The following GPC5 variants were observed in gnomAD, a reference collection of about 807,000 sequenced individuals.
GPC5 encodes the protein glypican 5.
A neutral mutation model predicts 53.9 loss-of-function variants in GPC5; 47 were observed. The observed-to-expected ratio is 0.87, with a 90% CI of 0.69 to 1.11. GPC5 has a LOEUF of 1.11. GPC5 is among the 50% of genes most tolerant of loss of function. GPC5 has a pLI of 0.00. For synonymous variants in GPC5, 286 were observed against 263.3 expected (o/e 1.09, Z -0.84); for missense variants, 748 against 713.1 (o/e 1.05, Z -0.56).
At chr13:92,127,686 C>T (rs1451102972) in intron 6 of GPC5, among the ~76,000 whole-genome samples, 1 of 152,114 alleles carries the variant, frequency 6.6e-6, no homozygotes, top group Non-Finnish European at 1.5e-5. Flanking sequence ...GGGACATGAA[C>T]AAAATGCTGG....
chr13:91,870,629 G>A (rs1478379518), intron 5 of GPC5, among the ~76,000 whole-genome samples: 1 of 152,120 alleles, frequency 6.6e-6, no homozygotes, highest in Non-Finnish European at 1.5e-5. Flanking sequence ...ATCAACTGGA[G>A]TCTTCACGCT....
intron 7 of GPC5, chr13:92,339,879 A>G (rs540733026): frequency 1.3e-5 from 2 of 152,232 alleles, no homozygotes; most frequent in South Asian, 2.1e-4. Flanking sequence ...TTATCTTGCT[A>G]TGTCTTTACA....
At chr13:91,412,664 A>G (rs1229364523) in intron 1 of GPC5, among the ~76,000 whole-genome samples, 7 of 152,264 alleles carry the variant, frequency 4.6e-5, no homozygotes, top group Non-Finnish European at 7.3e-5. Context: ...TCTCAGGAAT[A>G]TGACGTTATC....
chr13:91,449,227 T>C (rs1432061550), intron 2 of GPC5, among the ~76,000 whole-genome samples: 1 of 152,166 alleles, frequency 6.6e-6, no homozygotes, highest in Non-Finnish European at 1.5e-5. Context: ...TGTACTTTAA[T>C]ATGAACAGAC....
chr13:91,976,234 G>T (rs571335614), intron 6 of GPC5, among the ~76,000 whole-genome samples: 1 of 152,102 alleles, frequency 6.6e-6, no homozygotes, highest in African/African-American at 2.4e-5. Context: ...TAACTAACCT[G>T]CACGTTGTGC....
At chr13:92,590,246 G>A (rs983156030) in intron 7 of GPC5, among the ~76,000 whole-genome samples, 1 of 152,036 alleles carries the variant, frequency 6.6e-6, no homozygotes, top group Non-Finnish European at 1.5e-5. Context: ...GCATGCATGA[G>A]GGCCATGGAA....
In GPC5 at chr13:92,233,721, A is replaced by G. The variant is rs187643970; in HGVS notation, c.1561+88732A>G. On this transcript the variant is annotated intron_variant, in intron 7 of 7. Coordinates refer to ENST00000377067, the MANE Select transcript of GPC5 (RefSeq NM_004466.6). ...TGTGCACAACGTGCAGATGAGTTAC[A>G]TATGTATACATGTGCCGTGTTGGTG... Among the ~76,000 whole-genome samples the G allele has an allele frequency of 1.7e-4, 26 of 152,260 alleles. No homozygotes were observed. In the East Asian group the frequency reaches 4.4e-3, roughly 26 times the overall value.
chr13:92,625,464 C>T lies in GPC5; in HGVS notation c.1562-240818C>T, dbSNP rs1171928976. ...GAAATAGCTATATTAATAAGTTGCA[C>T]ATTTTAATGTATAGCGTGAACTCAA... On this transcript the variant is annotated intron_variant, in intron 7 of 7. Coordinates refer to ENST00000377067, the MANE Select transcript of GPC5 (RefSeq NM_004466.6). Among the ~76,000 whole-genome samples, 4 of 152,146 alleles carry T rather than the reference C, an allele frequency of 2.6e-5. No homozygotes were observed. The East Asian group carries it at 7.7e-4, about 29-fold the overall frequency.
intron 5 of GPC5, among the ~76,000 whole-genome samples, chr13:91,852,889 T>C (rs1231581671): frequency 6.6e-6 from 1 of 152,156 alleles, no homozygotes; most frequent in Admixed American, 6.6e-5. Context: ...TCATTTCAGA[T>C]ATTTTCGTTA....
rs774350283 is a variant in GPC5 at position 92,552,560 on chromosome 13, T to A, written c.1562-313722T>A. ...GCCAGTGACATCAAAATGTTAATTA[T>A]TTCAGAAGAAGTCATGAATATTAAA... On this transcript the variant is annotated intron_variant, in intron 7 of 7. Transcript: ENST00000377067. Among the ~76,000 whole-genome samples the A allele has an allele frequency of 8.9e-4, 136 of 152,052 alleles. 1 individual carries two copies. Among genetic ancestry groups the A allele is most frequent in the Non-Finnish European group, 1.0e-3 (69 of 67,868 alleles).
chr13:92,614,856 A>G (rs958931074), intron 7 of GPC5, among the ~76,000 whole-genome samples: 4 of 152,216 alleles, frequency 2.6e-5, no homozygotes, highest in Non-Finnish European at 5.9e-5. Flanking sequence ...TTCAAAAAGC[A>G]AGTTCGAATT....
At chr13:92,414,044 G>C (rs943533664) in intron 7 of GPC5, among the ~76,000 whole-genome samples, 1 of 152,036 alleles carries the variant, frequency 6.6e-6, no homozygotes, top group Non-Finnish European at 1.5e-5. Context: ...GAATTGGAGG[G>C]TTACTCATTC....
chr13:91,904,807 C>T (rs114777503), intron 5 of GPC5, among the ~76,000 whole-genome samples: 4,633 of 151,986 alleles, frequency 0.03, 220 homozygotes, highest in African/African-American at 0.1. Context: ...AAAGAGGAAA[C>T]GAAGGTTGAG....
At chr13:92,632,328 A>G (rs1211971558) in intron 7 of GPC5, among the ~76,000 whole-genome samples, 2 of 151,996 alleles carry the variant, frequency 1.3e-5, no homozygotes, top group East Asian at 1.9e-4. Context: ...TTCTAATAGC[A>G]TCTTCAAAAT....
chr13:92,758,927 A>G (rs1875031567), intron 7 of GPC5, among the ~76,000 whole-genome samples: 1 of 147,570 alleles, frequency 6.8e-6, no homozygotes, highest in East Asian at 2.0e-4. Context: ...AGAAGGGTCC[A>G]ATTTCATTGG....
chr13:91,587,754 G>C (rs536828341), intron 2 of GPC5, among the ~76,000 whole-genome samples: 60 of 152,092 alleles, frequency 3.9e-4, no homozygotes, highest in African/African-American at 1.4e-3. Context: ...CTGAAAGCAG[G>C]AACTGCCTTT....
intron 7 of GPC5, among the ~76,000 whole-genome samples, chr13:92,328,698 G>GA (rs1298255306): frequency 1.3e-5 from 2 of 152,126 alleles, no homozygotes; most frequent in African/African-American, 4.8e-5. Flanking sequence ...TTCATGGAAA[G>GA]AAAAACGTTA....
chr13:92,020,075 T>A (rs1051093992), intron 6 of GPC5, among the ~76,000 whole-genome samples: 3 of 152,108 alleles, frequency 2.0e-5, no homozygotes, highest in African/African-American at 7.2e-5. Context: ...ATATTCCTTG[T>A]CTCATAGTCT....
At chr13:92,078,697 G>C (rs541639109) in intron 6 of GPC5, among the ~76,000 whole-genome samples, 1 of 152,158 alleles carries the variant, frequency 6.6e-6, no homozygotes, top group African/African-American at 2.4e-5. Context: ...TACCCAAACA[G>C]AAAACTGCTT....
Sources: allele counts gnomAD v4.1 joint callset (sites outside exome capture counted in the v4.1 genomes callset), GRCh38; gene constraint gnomAD v4.1.1; transcripts MANE v1.5; gene names NCBI Gene and HGNC (gene_info 2026-07-23, HGNC 2026-07-21).